Variants in RAPGEF1 observed in about 807,000 individuals in gnomAD.
The protein encoded by RAPGEF1 is CRK SH3-binding GNRP.
Under a neutral mutation model 143.3 loss-of-function variants are expected in RAPGEF1, and 33 were observed. The ratio of observed to expected loss-of-function variants is 0.23; its 90% CI spans 0.17 to 0.31. The LOEUF (loss-of-function observed/expected upper bound fraction) is 0.31, where lower values mean the gene tolerates loss of function less well. Among genes scored for constraint, RAPGEF1 ranks in the 10% least tolerant of loss-of-function variants. RAPGEF1 has a pLI of 1.00. For synonymous variants in RAPGEF1, 629 were observed against 676.5 expected (o/e 0.93, Z 1.09); for missense variants, 1,199 against 1,645.4 (o/e 0.73, Z 4.69).
chr9:131,615,436 G>A (rs1958820548), intron 12 of RAPGEF1, among the ~76,000 whole-genome samples: 1 of 152,178 alleles, frequency 6.6e-6, no homozygotes, highest in Non-Finnish European at 1.5e-5. Context: ...CAGCCCTAAT[G>A]GTTACTGAGA....
rs540975408 is a variant in RAPGEF1, at chr9:131,639,949, C to T, written c.495-1158G>A. 5.9e-5 allele frequency among the ~76,000 whole-genome samples: 9 copies of T among 152,308 alleles called. No homozygotes were observed. The South Asian group carries it at 1.2e-3, about 21-fold the overall frequency. On this transcript the variant is annotated intron_variant, in intron 4 of 26. Transcript: ENST00000683357. ...AAAGTTTCCATTTAGCCAGGCGTTC[C>T]ACTCTGCATGTTCCAACAGGAGAAA... is the stretch of plus-strand genomic sequence containing the variant.
chr9:131,686,081 C>T (rs990009726), intron 1 of RAPGEF1, among the ~76,000 whole-genome samples: 50 of 152,244 alleles, frequency 3.3e-4, no homozygotes, highest in African/African-American at 1.1e-3. Context: ...CTTTTTACAA[C>T]GTAGTACCTG....
chr9:131,704,220 TC>T (rs1189334611), intron 1 of RAPGEF1, among the ~76,000 whole-genome samples: 2 of 150,886 alleles, frequency 1.3e-5, no homozygotes. Context: ...GCATTCTGGA[TC>T]AATATTAATT....
chr9:131,611,809 C>T (rs1228444935), intron 12 of RAPGEF1, among the ~76,000 whole-genome samples: 1 of 152,218 alleles, frequency 6.6e-6, no homozygotes, highest in African/African-American at 2.4e-5. Context: ...CCAGCCTACA[C>T]ACTTTTCTTT....
chr9:131,720,742 A>C (rs2131276472), intron 1 of RAPGEF1, among the ~76,000 whole-genome samples: 1 of 152,300 alleles, frequency 6.6e-6, no homozygotes, highest in South Asian at 2.1e-4. Context: ...ACTTGCATAA[A>C]AAATGAAACT....
intron 3 of RAPGEF1, among the ~76,000 whole-genome samples, chr9:131,648,638 C>A (rs970576763): frequency 1.3e-5 from 2 of 152,114 alleles, no homozygotes; most frequent in Admixed American, 6.5e-5. Flanking sequence ...TGGCACAGAC[C>A]AAATCTACTG....
chr9:131,597,782 A>T (rs1032965867), intron 16 of RAPGEF1, among the ~76,000 whole-genome samples: 3 of 151,828 alleles, frequency 2.0e-5, no homozygotes, highest in Non-Finnish European at 2.9e-5. Context: ...GAACGCCTGG[A>T]CTCAAGCCAT....
In RAPGEF1 at chr9:131,583,086, C is replaced by T. The variant is rs13288700; in HGVS notation, c.3415-384G>A. ...CAGGCACACACTGAGTGGCGTCACT[C>T]CTGACTCGGAGCTGCCTTTGCTCTG... On this transcript the variant is annotated intron_variant, in intron 24 of 26. Transcript: ENST00000683357. This position sits in a 1 kb window ranked among gnomAD's most constrained non-coding sequence, Gnocchi z 4.7. 0.034 allele frequency among the ~76,000 whole-genome samples: 5,150 copies of T among 152,290 alleles called. 125 individuals carry two copies. The highest frequency in any genetic ancestry group is 0.062 in the Middle Eastern group (18 of 292).
intron 1 of RAPGEF1, among the ~76,000 whole-genome samples, chr9:131,689,460 A>C (rs1337544765): frequency 1.3e-5 from 2 of 152,226 alleles, no homozygotes; most frequent in East Asian, 3.8e-4. Context: ...AAGCATGACT[A>C]AATTAGGTGA....
chr9:131,678,358 T>C (rs1414146233), intron 1 of RAPGEF1, among the ~76,000 whole-genome samples: 1 of 152,266 alleles, frequency 6.6e-6, no homozygotes, highest in Non-Finnish European at 1.5e-5. Flanking sequence ...TCAAGAAGAA[T>C]GTAAAGTAAC....
intron 1 of RAPGEF1, among the ~76,000 whole-genome samples, chr9:131,685,670 T>C (rs907312328): frequency 2.6e-4 from 39 of 152,164 alleles, no homozygotes; most frequent in Non-Finnish European, 2.4e-4. Context: ...AACACGTGGG[T>C]AAATCTCTGT....
At chr9:131,625,642 T>C (rs989824227) in intron 10 of RAPGEF1, among the ~76,000 whole-genome samples, 4 of 152,082 alleles carry the variant, frequency 2.6e-5, no homozygotes, top group African/African-American at 7.2e-5. Context: ...GGCCAGAAGG[T>C]CAACTGCTGC....
chr9:131,614,069 T>C (rs1459427300), intron 12 of RAPGEF1, among the ~76,000 whole-genome samples: 3 of 151,960 alleles, frequency 2.0e-5, no homozygotes, highest in Non-Finnish European at 4.4e-5. Flanking sequence ...AGCGGCACAG[T>C]CCTTTTCCCC....
intron 1 of RAPGEF1, among the ~76,000 whole-genome samples, chr9:131,736,489 T>C (rs1437180058): frequency 2.0e-5 from 3 of 152,184 alleles, no homozygotes; most frequent in Non-Finnish European, 4.4e-5. Flanking sequence ...TCTGAGGATA[T>C]ACATAGGTAT....
At chr9:131,651,515 T>C (rs527557741) in intron 1 of RAPGEF1, among the ~76,000 whole-genome samples, 62 of 152,300 alleles carry the variant, frequency 4.1e-4, no homozygotes, top group African/African-American at 1.3e-3. Flanking sequence ...CTATCTGACA[T>C]TGAACTGGAT....
Position 131,614,027 on chromosome 9 carries a change from G to A in RAPGEF1, c.2061+5024C>T, listed in dbSNP as rs183297163. ...GAGGAACATGCACCAGTGGGAGGGA[G>A]AGGCCTCAAGGGGGCTTCACAACAT... On this transcript the variant is annotated intron_variant, in intron 12 of 26. Transcript: ENST00000683357. 2.8e-4 allele frequency among the ~76,000 whole-genome samples: 42 copies of A among 152,294 alleles called. No individual in the cohort carries two copies. The East Asian group carries it at 7.9e-3, about 29-fold the overall frequency.
chr9:131,650,289 T>C lies in RAPGEF1; in HGVS notation c.202-47A>G. The C allele has an allele frequency of 6.8e-7, 1 of 1,463,094 alleles. No individual in the cohort carries two copies. Among genetic ancestry groups the C allele is most frequent in the Middle Eastern group, 2.2e-4 (1 of 4,510 alleles). The allele number at this position is 1,463,094 out of a possible 1,614,324, so 90.6% of individuals were successfully genotyped here. On this transcript the variant is annotated intron_variant, in intron 2 of 26. Transcript: ENST00000683357. The surrounding 1 kb of genome is among the most constrained non-coding windows in gnomAD (Gnocchi z 4.7). ...TTCCTACAGAGTTTGAAATGGCTGT[T>C]TGAGGCCGAAGGGAGGGGTTGATGA...
At chr9:131,653,703 T>C (rs371361406) in intron 1 of RAPGEF1, among the ~76,000 whole-genome samples, 1 of 152,240 alleles carries the variant, frequency 6.6e-6, no homozygotes, top group African/African-American at 2.4e-5. Flanking sequence ...TTCTCTGCTT[T>C]GGAAAATGTC....
chr9:131,700,616 A>G (rs1402227356), intron 1 of RAPGEF1, among the ~76,000 whole-genome samples: 1 of 152,222 alleles, frequency 6.6e-6, no homozygotes, highest in Non-Finnish European at 1.5e-5. Context: ...TAGAAACAAT[A>G]GAATTTTTTT....
Sources: gnomAD v4.1 joint callset for allele counts (sites outside exome capture counted in the v4.1 genomes callset) on GRCh38, gnomAD v4.1.1 for gene constraint, Gnocchi (gnomAD v3.1) non-coding constraint, MANE v1.5 for transcripts, NCBI Gene and HGNC (gene_info 2026-07-23, HGNC 2026-07-21) for gene names.